ZRANB3: variants seen among roughly 807,000 people sequenced by gnomAD.
ZRANB3 encodes the protein DNA annealing helicase and endonuclease ZRANB3.
A neutral mutation model predicts 133.8 loss-of-function variants in ZRANB3; 125 were observed. The observed-to-expected ratio is 0.93, with a 90% CI of 0.81 to 1.08. The LOEUF is 1.08. Among genes scored for constraint, ZRANB3 ranks in the 50% least tolerant of loss-of-function variants. The probability of loss-of-function intolerance (pLI) is 0.00; values close to 1 mark genes in which losing one functional copy is unlikely to be tolerated. For synonymous variants in ZRANB3, 387 were observed against 432.7 expected (o/e 0.89, Z 1.31); for missense variants, 1,229 against 1,275.5 (o/e 0.96, Z 0.56).
chr2:135,228,202 C>T (rs1694835873), intron 13 of ZRANB3, 187 bp from the exon 14 acceptor site: 1 of 487,126 alleles, frequency 2.1e-6, no homozygotes, highest in South Asian at 3.4e-5. Flanking sequence ...AGGAACAGGA[C>T]AGAGAAATCC....
chr2:135,207,773 G>A lies in ZRANB3; in HGVS notation c.2670C>T (p.Leu890=), dbSNP rs1693939901. The A allele has an allele frequency of 1.2e-6, 2 of 1,613,820 alleles. No individual in the cohort carries two copies. Among genetic ancestry groups the A allele is most frequent in the African/African-American group, 2.7e-5 (2 of 74,938 alleles). Residue 890 remains leucine (L), a synonymous_variant, in exon 19 of 21, where the codon CTC becomes CTT. Coordinates refer to ENST00000264159, the MANE Select transcript of ZRANB3 (RefSeq NM_032143.4). ...FLNPYTVQAD[L]TVKPSTSKGY... ...CTTTGGATGTAGAGGGCTTCACAGT[G>A]AGATCTGCCTGGACTGTGTATGGAT...
At chr2:135,513,983 C>T (rs1374097640) in intron 1 of ZRANB3, among the ~76,000 whole-genome samples, 1 of 152,068 alleles carries the variant, frequency 6.6e-6, no homozygotes, top group East Asian at 1.9e-4. Context: ...CTGTTCTGAT[C>T]CATTGGTTTA....
At chr2:135,292,308 T>C (rs1453498615) in intron 8 of ZRANB3, among the ~76,000 whole-genome samples, 4 of 152,308 alleles carry the variant, frequency 2.6e-5, no homozygotes, top group South Asian at 2.1e-4. Flanking sequence ...TGAGATGGTA[T>C]CTCATTGTGG....
At chr2:135,449,389 G>A (rs146734203) in intron 2 of ZRANB3, among the ~76,000 whole-genome samples, 244 of 152,288 alleles carry the variant, frequency 1.6e-3, no homozygotes, top group African/African-American at 5.6e-3. Context: ...GGAGGCCAAG[G>A]TGGGCGGATC....
intron 8 of ZRANB3, among the ~76,000 whole-genome samples, chr2:135,296,471 C>G (rs1286579409): frequency 6.6e-6 from 1 of 152,092 alleles, no homozygotes; most frequent in Admixed American, 6.6e-5. Flanking sequence ...TTCTAGTTAG[C>G]CATTCGTCTA....
At chr2:135,486,284 T>A (rs1692116787) in intron 2 of ZRANB3, among the ~76,000 whole-genome samples, 1 of 152,218 alleles carries the variant, frequency 6.6e-6, no homozygotes, top group Admixed American at 6.5e-5. Flanking sequence ...ATCAACTCAG[T>A]ATACGTTTTA....
At position 135,504,504 on chromosome 2, in the gene ZRANB3, C is replaced by CAT. The variant is rs1169722354; in HGVS notation, c.-7-9_-7-8insAT. The CAT allele has an allele frequency of 6.3e-7, 1 of 1,594,620 alleles. No homozygotes were observed. Among genetic ancestry groups the CAT allele is most frequent in the Non-Finnish European group, 8.5e-7 (1 of 1,172,726 alleles). ...ACCCTAGGCATGATGATCCTAAAAA[C>CAT]AAAGAAACAACAAAAAAGGGAGGGG... is the stretch of plus-strand genomic sequence containing the variant. On this transcript the variant is annotated splice_polypyrimidine_tract_variant and intron_variant, in intron 1 of 20. Coordinates refer to ENST00000264159, the MANE Select transcript of ZRANB3 (RefSeq NM_032143.4).
chr2:135,245,645 G>A (rs1386204551), intron 12 of ZRANB3, among the ~76,000 whole-genome samples: 1 of 151,474 alleles, frequency 6.6e-6, no homozygotes, highest in Non-Finnish European at 1.5e-5. Flanking sequence ...TAGAGACAGG[G>A]GCTGGGTGCT....
At chr2:135,441,902 C>T (rs1160225510) in intron 2 of ZRANB3, among the ~76,000 whole-genome samples, 1 of 152,104 alleles carries the variant, frequency 6.6e-6, no homozygotes, top group Non-Finnish European at 1.5e-5. Context: ...GCAGCAATCT[C>T]CCTAAAAGTC....
In ZRANB3 at chr2:135,309,465, G is replaced by A. The variant is rs532344905; in HGVS notation, c.966+4024C>T. Among the ~76,000 whole-genome samples, 48 of 152,254 alleles carry A rather than the reference G, an allele frequency of 3.2e-4. No homozygotes were observed. The South Asian group carries it at 6.4e-3, about 20-fold the overall frequency. ...GGAAGAAATAAAAATGTCTTTATGT[G>A]CAGACAAAATGATCCTATATCTTCT... On this transcript the variant is annotated intron_variant, in intron 8 of 20. Coordinates refer to ENST00000264159, the MANE Select transcript of ZRANB3 (RefSeq NM_032143.4).
At chr2:135,407,311 T>G (rs1452439115) in intron 2 of ZRANB3, among the ~76,000 whole-genome samples, 2 of 151,828 alleles carry the variant, frequency 1.3e-5, no homozygotes, top group African/African-American at 4.8e-5. Flanking sequence ...CACTGCTCAA[T>G]GAAATAAAAA....
chr2:135,504,302 T>C, intron 2 of ZRANB3, 27 bp downstream of exon 2: 1 of 1,611,802 alleles, frequency 6.2e-7, no homozygotes, highest in Non-Finnish European at 8.5e-7. Context: ...AATTTAACAT[T>C]TTTAGCATGT....
At chr2:135,249,915 T>C (rs1679303676) in intron 12 of ZRANB3, among the ~76,000 whole-genome samples, 1 of 152,130 alleles carries the variant, frequency 6.6e-6, no homozygotes, top group African/African-American at 2.4e-5. Context: ...GAGTGGGGCG[T>C]TGCTGACAAG....
intron 11 of ZRANB3, among the ~76,000 whole-genome samples, chr2:135,268,607 T>C (rs1680360531): frequency 6.6e-6 from 1 of 152,192 alleles, no homozygotes; most frequent in African/African-American, 2.4e-5. Flanking sequence ...TGTCCAAAAT[T>C]AGCTTGGAAC....
chr2:135,462,479 T>C (rs1374616820), intron 2 of ZRANB3, among the ~76,000 whole-genome samples: 1 of 152,182 alleles, frequency 6.6e-6, no homozygotes, highest in Non-Finnish European at 1.5e-5. Flanking sequence ...CTGAGGCAAC[T>C]TTCATATTAT....
At chr2:135,522,958 A>G (rs1574252338) in intron 1 of ZRANB3, among the ~76,000 whole-genome samples, 1 of 152,222 alleles carries the variant, frequency 6.6e-6, no homozygotes, top group East Asian at 1.9e-4. Flanking sequence ...ATAACCTTTT[A>G]GAAGGCTACC....
intron 8 of ZRANB3, among the ~76,000 whole-genome samples, chr2:135,300,996 G>A (rs1682399827): frequency 6.6e-6 from 1 of 151,934 alleles, no homozygotes; most frequent in Non-Finnish European, 1.5e-5. Context: ...CCTAGTCTCA[G>A]TCAGAATTCC....
At chr2:135,238,197 T>G (rs1435292720) in intron 12 of ZRANB3, among the ~76,000 whole-genome samples, 1 of 152,186 alleles carries the variant, frequency 6.6e-6, no homozygotes, top group East Asian at 1.9e-4. Flanking sequence ...GGGAACTATG[T>G]TAGAAACACA....
In ZRANB3 at chr2:135,207,524, T is replaced by TAA; in HGVS notation, c.2918_2919insTT (p.Gln973HisfsTer2). The TAA allele has an allele frequency of 6.2e-7, 1 of 1,614,058 alleles. No individual in the cohort carries two copies. The highest frequency in any genetic ancestry group is 8.5e-7 in the Non-Finnish European group (1 of 1,179,896). On this transcript the variant is annotated frameshift_variant, in exon 19 of 21. Coordinates refer to ENST00000264159, the MANE Select transcript of ZRANB3 (RefSeq NM_032143.4). LOFTEE classifies it high-confidence loss of function. ...CATCTCTCAGACGTAAAAAGAGTTC[T>TAA]TGTGCGTTCACATTACAGAGCTGAC... is the stretch of plus-strand genomic sequence containing the variant.
Sources: gnomAD v4.1 joint callset for allele counts (sites outside exome capture counted in the v4.1 genomes callset) on GRCh38, gnomAD v4.1.1 for gene constraint, MANE v1.5 for transcripts, NCBI Gene and HGNC (gene_info 2026-07-23, HGNC 2026-07-21) for gene names.